The following SCAMP2 variants were observed in gnomAD, a reference collection of about 807,000 sequenced individuals.
SCAMP2 encodes secretory carrier-associated membrane protein 2.
In SCAMP2, 25 loss-of-function variants were observed where a neutral mutation model predicts 44.1. The observed-to-expected ratio is 0.57, with a 90% CI of 0.41 to 0.79. The LOEUF is 0.79. SCAMP2 is among the 30% of genes least tolerant of loss of function. The pLI, the probability that SCAMP2 is intolerant of heterozygous loss-of-function variation, is 0.00. For missense variants in SCAMP2, 355 were observed against 411.0 expected (o/e 0.86, Z 1.18); for synonymous variants, 156 against 166.0 (o/e 0.94, Z 0.46).
rs1596429920 is a variant in SCAMP2, at chr15:74,873,192, G to T, written c.57+7C>A. The T allele has an allele frequency of 5.6e-6, 8 of 1,439,096 alleles. No individual in the cohort carries two copies. The highest frequency in any genetic ancestry group is 6.1e-5 in the East Asian group (2 of 32,874). 89.1% of individuals were successfully genotyped at this position (1,439,096 alleles called of 1,614,324 possible). On this transcript the variant is annotated splice_region_variant and intron_variant, in intron 1 of 8. Transcript: ENST00000268099. ...CTGAGAGCTGGATGGCGGGAGAGGG[G>T]CTCTACCTGGAAGGGGTTTACATCC...
At position 74,850,551 on chromosome 15, in the gene SCAMP2, A is replaced by G. The variant is rs1244324940; in HGVS notation, c.595T>C (p.Phe199Leu). Reference protein sequence around the residue: ...LWFLIFTPCAFLCWYRPIYKA... With the variant: ...LWFLIFTPCALLCWYRPIYKA... ...TAGATGGGTCGGTACCAACAAAGGA[A>G]GGCACAGGGAGTGAAGATCAGAAAC... Residue 199 changes from phenylalanine (F) to leucine (L), a missense_variant, in exon 6 of 9, where the codon TTC (phenylalanine) becomes CTC (leucine). Physicochemically the swap from Phe to Leu is conservative, Grantham distance 22. Coordinates refer to ENST00000268099, the MANE Select transcript of SCAMP2 (RefSeq NM_005697.5). The G allele has an allele frequency of 1.2e-6, 2 of 1,614,020 alleles. No homozygotes were observed. The highest frequency in any genetic ancestry group is 1.7e-5 in the Admixed American group (1 of 60,010).
intron 1 of SCAMP2, among the ~76,000 whole-genome samples, chr15:74,865,255 C>T (rs536526126): frequency 6.6e-6 from 1 of 151,516 alleles, no homozygotes; most frequent in Non-Finnish European, 1.5e-5. Context: ...GTGGCATGCG[C>T]CTGTAGTCCC....
chr15:74,862,853 T>TACACACACACACAC (rs112611741), intron 1 of SCAMP2, among the ~76,000 whole-genome samples: 15 of 87,482 alleles, frequency 1.7e-4, no homozygotes, highest in African/African-American at 3.8e-4. Flanking sequence ...AAACAAACCA[T>TACACACACACACAC]ACACACACAC....
chr15:74,859,556 G>A (rs1270417271), intron 1 of SCAMP2, among the ~76,000 whole-genome samples: 1 of 152,104 alleles, frequency 6.6e-6, no homozygotes, highest in Non-Finnish European at 1.5e-5. Flanking sequence ...AAGGCAGTGA[G>A]GGAAGAGAGG....
At position 74,844,989 on chromosome 15, in the gene SCAMP2, G is replaced by A. The variant is rs2064385712; in HGVS notation, c.*94C>T. 5 of 1,443,722 alleles carry A rather than the reference G, an allele frequency of 3.5e-6. No homozygotes were observed. In the Admixed American group the frequency reaches 7.7e-5, roughly 22 times the overall value. 89.4% of individuals were successfully genotyped at this position (1,443,722 alleles called of 1,614,324 possible). ...ACGGCAAGAACCCTGCCAGGTCTGT[G>A]CTGGGCACAACCACCACCACATAAG... On this transcript the variant is annotated 3_prime_UTR_variant, in exon 9 of 9. Coordinates refer to ENST00000268099, the MANE Select transcript of SCAMP2 (RefSeq NM_005697.5).
chr15:74,844,211 G>GGGGA lies in SCAMP2; in HGVS notation c.*871_*872insTCCC, dbSNP rs2064368139. On this transcript the variant is annotated 3_prime_UTR_variant, in exon 9 of 9. Transcript: ENST00000268099. ...CGTCCCTCGGTTCGGGGAGGGGGGG[G>GGGGA]GGTAGTCACAGCAAACAGGGCCAAA... 6.8e-6 allele frequency: 1 copy of GGGGA among 147,470 alleles called. No individual in the cohort carries two copies. The highest frequency in any genetic ancestry group is 1.5e-5 in the Non-Finnish European group (1 of 66,384). The allele number at this position is 147,470 out of a possible 1,614,324, so 9.1% of individuals were successfully genotyped here. A position where few individuals can be genotyped will look rare whatever the true frequency, so the allele number is the denominator to read the frequency against.
Position 74,845,585 on chromosome 15 carries a change from A to C in SCAMP2, c.743T>G (p.Ile248Ser). ...GIPGLGDSGW[I>S]AALSTLDNHS... ...ATTATCCAGTGTAGACAGGGCTGCA[A>C]TCCAACCGCTATAAAGGGAAGAAGA... The change falls in exon 8 of 9, where the codon ATT becomes AGT. Residue 248 changes from isoleucine (I) to serine (S), a missense_variant. Transcript: ENST00000268099. 3 of 1,614,020 alleles carry C rather than the reference A, an allele frequency of 1.9e-6. No homozygotes were observed. Among genetic ancestry groups the C allele is most frequent in the Non-Finnish European group, 2.5e-6 (3 of 1,179,966 alleles).
chr15:74,859,918 T>C (rs1827780296), intron 1 of SCAMP2, among the ~76,000 whole-genome samples: 1 of 152,086 alleles, frequency 6.6e-6, no homozygotes, highest in African/African-American at 2.4e-5. Context: ...TGAGGTTTAT[T>C]TCAGGCTCCA....
intron 1 of SCAMP2, among the ~76,000 whole-genome samples, chr15:74,855,037 GACTT>G (rs2064459496): frequency 6.6e-6 from 1 of 151,346 alleles, no homozygotes; most frequent in Non-Finnish European, 1.5e-5. Context: ...TGAGGGTAGA[GACTT>G]ACTATTGACT....
chr15:74,852,201 G>T lies in SCAMP2; in HGVS notation c.226-15C>A, dbSNP rs147882758. On this transcript the variant is annotated splice_polypyrimidine_tract_variant and intron_variant, in intron 3 of 8. Transcript: ENST00000268099. ...GACACCACGGCCTGGAGAGAACAGG[G>T]GAGGTACAGGGACAGCCAGACACAA... 5 of 1,471,340 alleles carry T rather than the reference G, an allele frequency of 3.4e-6. No homozygotes were observed. The highest frequency in any genetic ancestry group is 4.5e-6 in the Non-Finnish European group (5 of 1,104,324). The allele number at this position is 1,471,340 out of a possible 1,614,324, so 91.1% of individuals were successfully genotyped here.
chr15:74,872,024 G>A (rs1450887835), intron 1 of SCAMP2, among the ~76,000 whole-genome samples: 2 of 151,600 alleles, frequency 1.3e-5, no homozygotes, highest in Admixed American at 6.6e-5. Context: ...CAGCCTGGGC[G>A]ACAGAGCAAG....
In SCAMP2 at chr15:74,862,292, C is replaced by CAAAAAAAAAAAA. The variant is rs1431645432; in HGVS notation, c.58-7644_58-7643insTTTTTTTTTTTT. ...AAAAAAAAAAAAAAAAAAAAAAATT[C>CAAAAAAAAAAAA]CTGGCCAGGTGCAATGGCTCACACC... On this transcript the variant is annotated intron_variant, in intron 1 of 8. Transcript: ENST00000268099. 5.7e-5 allele frequency among the ~76,000 whole-genome samples: 5 copies of CAAAAAAAAAAAA among 87,624 alleles called. 1 individual carries two copies. The highest frequency in any genetic ancestry group is 5.4e-4 in the Admixed American group (4 of 7,428). 57.5% of individuals were successfully genotyped at this position (87,624 alleles called of 152,430 possible). A position where few individuals can be genotyped will look rare whatever the true frequency, so the allele number is the denominator to read the frequency against.
intron 1 of SCAMP2, among the ~76,000 whole-genome samples, chr15:74,868,326 A>G (rs982512486): frequency 2.6e-5 from 4 of 152,226 alleles, no homozygotes; most frequent in Admixed American, 6.5e-5. Context: ...ACATGCCCAC[A>G]GTGCGGGGTG....
chr15:74,844,205 G>GGC lies in SCAMP2; in HGVS notation c.*877_*878insGC, dbSNP rs1555472814. The GGC allele has an allele frequency of 7.0e-6, 1 of 143,434 alleles. No homozygotes were observed. Among genetic ancestry groups the GGC allele is most frequent in the African/African-American group, 2.6e-5 (1 of 38,682 alleles). The allele number at this position is 143,434 out of a possible 1,614,324, so 8.9% of individuals were successfully genotyped here. A position where few individuals can be genotyped will look rare whatever the true frequency, so the allele number is the denominator to read the frequency against. ...GGCAGCCGTCCCTCGGTTCGGGGAG[G>GGC]GGGGGGGGTAGTCACAGCAAACAGG... On this transcript the variant is annotated 3_prime_UTR_variant, in exon 9 of 9. Coordinates refer to ENST00000268099, the MANE Select transcript of SCAMP2 (RefSeq NM_005697.5).
At chr15:74,871,352 G>C (rs544040492) in intron 1 of SCAMP2, among the ~76,000 whole-genome samples, 2 of 148,950 alleles carry the variant, frequency 1.3e-5, no homozygotes, top group Admixed American at 6.7e-5. Flanking sequence ...AGCTACTCAG[G>C]AGACTGAGGT....
rs1351711824 is a variant in SCAMP2 at position 74,854,648 on chromosome 15, T to A, written c.59A>T (p.Asp20Val). The change falls in exon 2 of 9, where the codon GAT (aspartate) becomes GTT (valine). Residue 20 changes from aspartate to valine, a missense_variant and splice_region_variant. By Grantham distance (152) the Asp-to-Val change is radical. Coordinates refer to ENST00000268099, the MANE Select transcript of SCAMP2 (RefSeq NM_005697.5). ...GTTGGTCAGCTGGGTCACAGAGGGA[T>A]CCTGAGAAGGTGAAAAAAAGCCCTT... ...ADPVDVNPFQ[D>V]PSVTQLTNAP... The A allele has an allele frequency of 6.2e-7, 1 of 1,608,110 alleles. No homozygotes were observed. The highest frequency in any genetic ancestry group is 2.2e-5 in the East Asian group (1 of 44,662).
At chr15:74,872,412 C>CA (rs532189299) in intron 1 of SCAMP2, among the ~76,000 whole-genome samples, 1,763 of 97,976 alleles carry the variant, frequency 0.018, 15 homozygotes, top group Middle Eastern at 0.066. Context: ...GACTCCGTCT[C>CA]AAAAAAAAAA....
chr15:74,861,900 C>CAAAAAA (rs71140103), intron 1 of SCAMP2, among the ~76,000 whole-genome samples: 1 of 44,292 alleles, frequency 2.3e-5, no homozygotes, highest in Non-Finnish European at 4.9e-5. Flanking sequence ...GACTCTGTCT[C>CAAAAAA]AAAAAAAAAA....
In SCAMP2 at chr15:74,844,917, C is replaced by A; in HGVS notation, c.*166G>T. 2.8e-6 allele frequency: 2 copies of A among 702,254 alleles called. No homozygotes were observed. Among genetic ancestry groups the A allele is most frequent in the Non-Finnish European group, 4.7e-6 (2 of 427,956 alleles). The allele number at this position is 702,254 out of a possible 1,614,324, so 43.5% of individuals were successfully genotyped here. ...CATAGAGGGGGAAAAAATTCCCTGT[C>A]CCTCCCGTTCCAGGGAGAGCTGGTC... On this transcript the variant is annotated 3_prime_UTR_variant, in exon 9 of 9. Transcript: ENST00000268099.
Sources: gnomAD v4.1 joint callset for allele counts (sites outside exome capture counted in the v4.1 genomes callset) on GRCh38, gnomAD v4.1.1 for gene constraint, MANE v1.5 for transcripts, NCBI Gene and HGNC (gene_info 2026-07-23, HGNC 2026-07-21) for gene names.